The following GNAT3 variants were observed in gnomAD, a reference collection of about 807,000 sequenced individuals.
The protein encoded by GNAT3 is guanine nucleotide-binding protein G(t) subunit alpha-3.
GNAT3 carries 31 observed loss-of-function variants against 37.7 expected under a neutral mutation model. The ratio of observed to expected loss-of-function variants is 0.82; its 90% CI spans 0.62 to 1.11. GNAT3 has a LOEUF of 1.11. Ranked by LOEUF, GNAT3 falls within the 50% of genes most tolerant of loss-of-function variation. GNAT3 has a pLI of 0.00. For synonymous variants in GNAT3, 138 were observed against 139.8 expected, an observed-to-expected ratio of 0.99 and a Z score of 0.09; for missense variants, 437 against 412.5, an observed-to-expected ratio of 1.06 and a Z score of -0.51.
chr7:80,499,431 C>A (rs1025337811), intron 1 of GNAT3, among the ~76,000 whole-genome samples: 56 of 152,228 alleles, frequency 3.7e-4, no homozygotes, highest in African/African-American at 1.3e-3. Context: ...TGTTGCCAGG[C>A]TTGAGTGCAG....
intron 1 of GNAT3, among the ~76,000 whole-genome samples, chr7:80,499,431 C>T (rs1025337811): frequency 2.6e-5 from 4 of 152,114 alleles, no homozygotes; most frequent in Non-Finnish European, 5.9e-5. Flanking sequence ...TGTTGCCAGG[C>T]TTGAGTGCAG....
At chr7:80,505,948 G>A (rs1167915658) in intron 1 of GNAT3, among the ~76,000 whole-genome samples, 1 of 152,070 alleles carries the variant, frequency 6.6e-6, no homozygotes, top group Non-Finnish European at 1.5e-5. Context: ...ACTTTTGCAC[G>A]AACCTAATAA....
At chr7:80,470,070 A>G (rs1028088022) in intron 5 of GNAT3, among the ~76,000 whole-genome samples, 11 of 152,210 alleles carry the variant, frequency 7.2e-5, no homozygotes, top group African/African-American at 2.7e-4. Context: ...GTAAGGAGGT[A>G]CTGTATCTTC....
intron 1 of GNAT3, among the ~76,000 whole-genome samples, chr7:80,506,381 A>G (rs1790940871): frequency 6.6e-6 from 1 of 152,308 alleles, no homozygotes; most frequent in South Asian, 2.1e-4. Context: ...TGTGCTGATC[A>G]ATTGAGATAA....
intron 3 of GNAT3, among the ~76,000 whole-genome samples, chr7:80,482,555 G>A (rs1338362081): frequency 6.6e-6 from 1 of 150,526 alleles, no homozygotes; most frequent in Admixed American, 6.6e-5. Context: ...GCTCTGTCAT[G>A]CAGGCTGGAG....
At chr7:80,471,844 C>T (rs1790226041) in intron 5 of GNAT3, among the ~76,000 whole-genome samples, 1 of 152,022 alleles carries the variant, frequency 6.6e-6, no homozygotes, top group African/African-American at 2.4e-5. Context: ...CAGTTAGCCT[C>T]AGGATAACCA....
At chr7:80,466,611 T>C (rs1169990741) in intron 5 of GNAT3, among the ~76,000 whole-genome samples, 1 of 152,040 alleles carries the variant, frequency 6.6e-6, no homozygotes, top group African/African-American at 2.4e-5. Flanking sequence ...ATTTGTGGGT[T>C]CTATGGGGGA....
chr7:80,490,781 T>G (rs1180702823), intron 2 of GNAT3, among the ~76,000 whole-genome samples: 1 of 152,332 alleles, frequency 6.6e-6, no homozygotes, highest in African/African-American at 2.4e-5. Flanking sequence ...TACCCCCAAC[T>G]TATTCAGTTA....
intron 1 of GNAT3, among the ~76,000 whole-genome samples, chr7:80,496,816 G>T (rs1790725615): frequency 6.6e-6 from 1 of 150,836 alleles, no homozygotes; most frequent in Admixed American, 6.6e-5. Context: ...AACAGATATA[G>T]CTACACCTAA....
chr7:80,489,485 T>C (rs1022991582), intron 2 of GNAT3, among the ~76,000 whole-genome samples: 3 of 152,252 alleles, frequency 2.0e-5, no homozygotes, highest in Non-Finnish European at 2.9e-5. Context: ...GTCATATTAC[T>C]AAAGATTTAT....
chr7:80,496,785 A>G (rs1032492129), intron 1 of GNAT3, among the ~76,000 whole-genome samples: 30 of 151,554 alleles, frequency 2.0e-4, no homozygotes, highest in African/African-American at 6.3e-4. Context: ...ATGATTTACA[A>G]TGTTTTCTTA....
At chr7:80,469,196 T>A (rs1250744877) in intron 5 of GNAT3, among the ~76,000 whole-genome samples, 1 of 152,178 alleles carries the variant, frequency 6.6e-6, no homozygotes, top group Non-Finnish European at 1.5e-5. Flanking sequence ...ATCATAGATC[T>A]GCTCAAACAT....
intron 2 of GNAT3, among the ~76,000 whole-genome samples, chr7:80,492,735 A>G (rs1329741874): frequency 6.6e-6 from 1 of 151,500 alleles, no homozygotes; most frequent in Non-Finnish European, 1.5e-5. Flanking sequence ...TACTATGTAT[A>G]TTAAAGATAT....
At chr7:80,498,509 A>G (rs924803484) in intron 1 of GNAT3, among the ~76,000 whole-genome samples, 2 of 152,276 alleles carry the variant, frequency 1.3e-5, no homozygotes, top group East Asian at 1.9e-4. Context: ...AGAAAAGCCT[A>G]TCTACTTAAA....
intron 4 of GNAT3, 98 bp from the exon 5 acceptor site, chr7:80,474,477 GTA>G (rs892530104): frequency 1.1e-3 from 473 of 420,776 alleles, no homozygotes; most frequent in Middle Eastern, 3.2e-3. Context: ...ATATGTGTGT[GTA>G]TATATATATA....
At chr7:80,467,495 T>A (rs1790145008) in intron 5 of GNAT3, among the ~76,000 whole-genome samples, 1 of 152,088 alleles carries the variant, frequency 6.6e-6, no homozygotes, top group South Asian at 2.1e-4. Flanking sequence ...CTAAGACTAG[T>A]TACATTTTGT....
chr7:80,472,567 C>T (rs527973277), intron 5 of GNAT3, among the ~76,000 whole-genome samples: 1 of 152,094 alleles, frequency 6.6e-6, no homozygotes, highest in African/African-American at 2.4e-5. Flanking sequence ...AGAACAGATA[C>T]ATAAACAAGA....
At chr7:80,495,573 G>A (rs1790701319) in intron 1 of GNAT3, among the ~76,000 whole-genome samples, 1 of 151,894 alleles carries the variant, frequency 6.6e-6, no homozygotes, top group South Asian at 2.1e-4. Context: ...GGGTTCAAGT[G>A]ATTCTCATGC....
chr7:80,481,870 A>G (rs989287107), intron 3 of GNAT3, among the ~76,000 whole-genome samples: 10 of 152,146 alleles, frequency 6.6e-5, no homozygotes, highest in African/African-American at 2.4e-4. Flanking sequence ...AATTCTTTCA[A>G]CCAATCAGAA....
Sources: allele counts gnomAD v4.1 joint callset (sites outside exome capture counted in the v4.1 genomes callset), GRCh38; gene constraint gnomAD v4.1.1; transcripts MANE v1.5; gene names NCBI Gene and HGNC (gene_info 2026-07-23, HGNC 2026-07-21).